Variants in CERS6 observed in about 807,000 individuals in gnomAD.
CERS6 encodes ceramide synthase 6.
In CERS6, 26 loss-of-function variants were observed where a neutral mutation model predicts 56.8. The ratio of observed to expected loss-of-function variants is 0.46; its 90% CI spans 0.34 to 0.63. The LOEUF is 0.63. Ranked by LOEUF, CERS6 falls within the 30% of genes least tolerant of loss-of-function variation. CERS6 has a pLI of 0.01. For synonymous variants in CERS6, 164 were observed against 173.3 expected (o/e 0.95, Z 0.42); for missense variants, 415 against 467.5 (o/e 0.89, Z 1.04).
chr2:168,769,376 C>A, intron 9 of CERS6, 134 bp from the exon 10 acceptor site: 1 of 754,018 alleles, frequency 1.3e-6, no homozygotes, highest in Non-Finnish European at 2.1e-6. Context: ...ATTGCTCTGG[C>A]AATGTTCTCA....
intron 1 of CERS6, among the ~76,000 whole-genome samples, chr2:168,463,492 A>G (rs1324983488): frequency 6.6e-6 from 1 of 152,178 alleles, no homozygotes. Context: ...TAGAGGTGGC[A>G]TTTCTGAGCC....
chr2:168,655,270 C>T (rs1685441360), intron 4 of CERS6, among the ~76,000 whole-genome samples: 1 of 152,084 alleles, frequency 6.6e-6, no homozygotes, highest in East Asian at 1.9e-4. Flanking sequence ...AATTCTAGTA[C>T]ACTGGTTTGG....
intron 1 of CERS6, among the ~76,000 whole-genome samples, chr2:168,537,626 G>T (rs547921141): frequency 1.3e-5 from 2 of 152,102 alleles, no homozygotes; most frequent in East Asian, 1.9e-4. Context: ...TATTTCAGGG[G>T]TTTCTTTGTA....
At chr2:168,520,626 T>TTTTTTTTTTTTTTTTG (rs1694961398) in intron 1 of CERS6, among the ~76,000 whole-genome samples, 1 of 93,230 alleles carries the variant, frequency 1.1e-5, no homozygotes, top group Non-Finnish European at 2.3e-5. Context: ...TTTTTTTTTT[T>TTTTTTTTTTTTTTTTG]TGAGAAGCAG....
At chr2:168,714,436 C>T (rs961552400) in intron 6 of CERS6, among the ~76,000 whole-genome samples, 8 of 152,232 alleles carry the variant, frequency 5.3e-5, no homozygotes, top group African/African-American at 1.9e-4. Context: ...GTCAAAGACA[C>T]AGCCAATACC....
intron 8 of CERS6, among the ~76,000 whole-genome samples, chr2:168,755,977 AAGG>A (rs1437854637): frequency 2.6e-5 from 4 of 152,222 alleles, no homozygotes; most frequent in Non-Finnish European, 5.9e-5. Flanking sequence ...GGAAGGGGAA[AAGG>A]AGAAAAAGGT....
chr2:168,706,974 A>G (rs563605156), intron 6 of CERS6, among the ~76,000 whole-genome samples: 66 of 152,364 alleles, frequency 4.3e-4, no homozygotes, highest in African/African-American at 1.6e-3. Context: ...GCGTGGCTGT[A>G]TTCCAATAAA....
chr2:168,518,853 C>T (rs1340710785), intron 1 of CERS6, among the ~76,000 whole-genome samples: 2 of 152,068 alleles, frequency 1.3e-5, no homozygotes, highest in Admixed American at 1.3e-4. Flanking sequence ...CTGAGGCTGA[C>T]CGTTGGTATT....
intron 1 of CERS6, among the ~76,000 whole-genome samples, chr2:168,512,084 G>T (rs750888898): frequency 1.3e-5 from 2 of 152,212 alleles, no homozygotes; most frequent in Middle Eastern, 3.4e-3. Flanking sequence ...AGTCATAAAA[G>T]AAAAACTGCT....
rs1023404954 is a variant in CERS6 at position 168,719,285 on chromosome 2, T to C, written c.845+1307T>C. 3.3e-5 allele frequency among the ~76,000 whole-genome samples: 5 copies of C among 152,178 alleles called. No individual in the cohort carries two copies. In the South Asian group the frequency reaches 8.3e-4, roughly 25 times the overall value. On this transcript the variant is annotated intron_variant, in intron 8 of 9. Transcript: ENST00000305747. Reference sequence around the variant, plus strand: ...GAGGCCAGAGGTTATAAATTTTTTTTCCAAACATTTACTGGACATAGGTAA... The same window carrying C: ...GAGGCCAGAGGTTATAAATTTTTTTCCCAAACATTTACTGGACATAGGTAA...
At chr2:168,763,389 C>T (rs1263470139) in intron 8 of CERS6, among the ~76,000 whole-genome samples, 1 of 151,712 alleles carries the variant, frequency 6.6e-6, no homozygotes, top group Admixed American at 6.6e-5. Flanking sequence ...CTACAACAGG[C>T]ACACACCAGC....
intron 8 of CERS6, among the ~76,000 whole-genome samples, chr2:168,743,724 C>A (rs905455063): frequency 6.6e-6 from 1 of 152,068 alleles, no homozygotes; most frequent in African/African-American, 2.4e-5. Context: ...ATCAACATTG[C>A]TCTCTCTTTA....
At chr2:168,484,858 G>A (rs6730809) in intron 1 of CERS6, among the ~76,000 whole-genome samples, 10,388 of 152,274 alleles carry the variant, frequency 0.068, 422 homozygotes, top group East Asian at 0.18. Context: ...GGGATGTGAA[G>A]AGGGCTGTTT....
rs922579014 is a variant in CERS6 at position 168,465,452 on chromosome 2, G to A, written c.170+8834G>A. ...CCTTGTGACCTAATCACCTCCCACA[G>A]GCCCCACCTCCTAACACCATCACAC... is the stretch of plus-strand genomic sequence containing the variant. On this transcript the variant is annotated intron_variant, in intron 1 of 9. Coordinates refer to ENST00000305747, the MANE Select transcript of CERS6 (RefSeq NM_203463.3). Among the ~76,000 whole-genome samples the A allele has an allele frequency of 9.9e-5, 15 of 152,198 alleles. No individual in the cohort carries two copies. In the South Asian group the frequency reaches 3.1e-3, roughly 32 times the overall value.
At chr2:168,746,822 A>ATGTAT (rs1559078628) in intron 8 of CERS6, among the ~76,000 whole-genome samples, 4 of 34,326 alleles carry the variant, frequency 1.2e-4, no homozygotes, top group Middle Eastern at 0.015. Flanking sequence ...TATATATATA[A>ATGTAT]AATCATCTTT....
At chr2:168,628,967 A>G (rs1332499355) in intron 3 of CERS6, among the ~76,000 whole-genome samples, 1 of 152,162 alleles carries the variant, frequency 6.6e-6, no homozygotes, top group Admixed American at 6.5e-5. Flanking sequence ...ACTGGTAGCT[A>G]GCATTTAAAA....
intron 1 of CERS6, among the ~76,000 whole-genome samples, chr2:168,482,935 A>G (rs888034062): frequency 4.6e-5 from 7 of 152,362 alleles, no homozygotes; most frequent in African/African-American, 1.4e-4. Flanking sequence ...AAATTCCATC[A>G]TAGCCCAAAA....
chr2:168,525,160 C>T (rs1336255312), intron 1 of CERS6, among the ~76,000 whole-genome samples: 1 of 152,168 alleles, frequency 6.6e-6, no homozygotes, highest in African/African-American at 2.4e-5. Flanking sequence ...TTCCTTAAGA[C>T]CAGTCTGTTC....
chr2:168,557,566 A>G (rs1695707480), intron 2 of CERS6, among the ~76,000 whole-genome samples: 1 of 152,226 alleles, frequency 6.6e-6, no homozygotes, highest in Non-Finnish European at 1.5e-5. Flanking sequence ...GATGAATGGT[A>G]TATGAGTAGC....
Sources: allele counts gnomAD v4.1 joint callset (sites outside exome capture counted in the v4.1 genomes callset), GRCh38; gene constraint gnomAD v4.1.1; transcripts MANE v1.5; gene names NCBI Gene and HGNC (gene_info 2026-07-23, HGNC 2026-07-21).